The following LYPD6B variants were observed in gnomAD, a reference collection of about 807,000 sequenced individuals.
The protein encoded by LYPD6B is ly6/PLAUR domain-containing protein 6B.
Under a neutral mutation model 22.8 loss-of-function variants are expected in LYPD6B, and 17 were observed. The ratio of observed to expected loss-of-function variants is 0.75; its 90% confidence interval spans 0.51 to 1.12. LYPD6B has a LOEUF of 1.12. LYPD6B is among the 50% of genes most tolerant of loss of function. The probability of loss-of-function intolerance (pLI) is 0.00; values close to 1 mark genes in which losing one functional copy is unlikely to be tolerated. For synonymous variants in LYPD6B, 106 were observed against 91.6 expected (o/e 1.16, Z -0.90); for missense variants, 221 against 258.3 (o/e 0.86, Z 0.99).
intron 1 of LYPD6B, chr2:149,068,797 G>A (rs1374750080): frequency 6.4e-6 from 3 of 469,084 alleles, no homozygotes; most frequent in East Asian, 6.0e-5. Flanking sequence ...ACAAAGGCTC[G>A]ATCATTTTGC....
chr2:149,143,336 T>TTG (rs1174771169), intron 2 of LYPD6B, among the ~76,000 whole-genome samples: 2 of 150,528 alleles, frequency 1.3e-5, no homozygotes, highest in African/African-American at 4.9e-5. Flanking sequence ...GGTTCCAACT[T>TTG]TTTTTTTTTA....
chr2:149,173,521 G>T (rs563449720), intron 3 of LYPD6B, among the ~76,000 whole-genome samples: 1 of 152,048 alleles, frequency 6.6e-6, no homozygotes, highest in African/African-American at 2.4e-5. Context: ...ACAGAGTTCC[G>T]CAGGATACTA....
chr2:149,095,867 GCAGA>G (rs951578605), intron 1 of LYPD6B, among the ~76,000 whole-genome samples: 24 of 151,836 alleles, frequency 1.6e-4, no homozygotes, highest in African/African-American at 5.8e-4. Context: ...GAGACCATAG[GCAGA>G]CAGACAGAGA....
rs1386394607 is a variant in LYPD6B at position 149,038,738 on chromosome 2, G to T, written c.-130G>T. On this transcript the variant is annotated 5_prime_UTR_variant, in exon 1 of 7. Transcript: ENST00000409642. ...GCCAACGCCGGCCCCAGGCGGGTGC[G>T]CTGGGAGCCTGGGCCGGGAGCCGGG... 6.6e-6 allele frequency: 1 copy of T among 151,500 alleles called. No homozygotes were observed. The highest frequency in any genetic ancestry group is 2.4e-5 in the African/African-American group (1 of 41,356). The allele number at this position is 151,500 out of a possible 1,614,324, so 9.4% of individuals were successfully genotyped here.
At chr2:149,095,603 A>C (rs759881393) in intron 1 of LYPD6B, among the ~76,000 whole-genome samples, 10 of 152,186 alleles carry the variant, frequency 6.6e-5, no homozygotes, top group Non-Finnish European at 1.5e-4. Context: ...TTGGGGCTGG[A>C]GACAGGGAGT....
intron 2 of LYPD6B, among the ~76,000 whole-genome samples, chr2:149,140,329 A>G (rs1688613485): frequency 6.6e-6 from 1 of 152,126 alleles, no homozygotes; most frequent in Non-Finnish European, 1.5e-5. Flanking sequence ...CCCTTAAAGA[A>G]CCAAAGTGTG....
chr2:149,067,566 T>C (rs1197192314), intron 1 of LYPD6B, among the ~76,000 whole-genome samples: 1 of 151,664 alleles, frequency 6.6e-6, no homozygotes, highest in East Asian at 1.9e-4. Context: ...AAACTTTGTT[T>C]TTTTTTTCTG....
At chr2:149,072,242 A>G (rs927897464) in intron 1 of LYPD6B, among the ~76,000 whole-genome samples, 15 of 152,204 alleles carry the variant, frequency 9.9e-5, no homozygotes, top group African/African-American at 3.6e-4. Context: ...GGTGAAGAGG[A>G]TAATAAACAA....
At chr2:149,040,926 G>A (rs540200866) in intron 1 of LYPD6B, among the ~76,000 whole-genome samples, 2 of 152,260 alleles carry the variant, frequency 1.3e-5, no homozygotes, top group East Asian at 3.9e-4. Flanking sequence ...TGCCAAGGGC[G>A]AAAATGCTTG....
chr2:149,083,918 A>T (rs115992265), intron 1 of LYPD6B, among the ~76,000 whole-genome samples: 2,138 of 150,550 alleles, frequency 0.014, 43 homozygotes, highest in African/African-American at 0.05. Context: ...CTACTAAAAT[A>T]AAAAAACAAA....
At chr2:149,189,329 GATTTGTCCAAAATTATATATA>G (rs1692326537) in intron 3 of LYPD6B, among the ~76,000 whole-genome samples, 1 of 58,080 alleles carries the variant, frequency 1.7e-5, no homozygotes, top group Admixed American at 1.9e-4. Context: ...CAATTTTTTT[GATTTGTCCAAAATTATATATA>G]TATATATATA....
At chr2:149,176,805 T>C (rs1691341599) in intron 3 of LYPD6B, among the ~76,000 whole-genome samples, 1 of 152,166 alleles carries the variant, frequency 6.6e-6, no homozygotes, top group Non-Finnish European at 1.5e-5. Flanking sequence ...AGGCAGTGGA[T>C]TTGGTTCTAA....
chr2:149,086,431 T>C (rs575077651), intron 1 of LYPD6B, among the ~76,000 whole-genome samples: 1 of 152,308 alleles, frequency 6.6e-6, no homozygotes, highest in South Asian at 2.1e-4. Context: ...CTGCAGGAAG[T>C]TGAGCAGCCG....
intron 1 of LYPD6B, among the ~76,000 whole-genome samples, chr2:149,067,099 T>A (rs1259323532): frequency 2.6e-5 from 4 of 152,208 alleles, no homozygotes. Context: ...CTTAGGACAA[T>A]GGCTTCTAGC....
chr2:149,145,390 A>G (rs1234637894), intron 2 of LYPD6B, among the ~76,000 whole-genome samples: 4 of 152,228 alleles, frequency 2.6e-5, no homozygotes, highest in African/African-American at 7.2e-5. Flanking sequence ...TGAGAAAAAG[A>G]TTAAGATACT....
chr2:149,154,119 TCCCCCCA>T, intron 2 of LYPD6B: 1 of 641,526 alleles, frequency 1.6e-6, no homozygotes, highest in Non-Finnish European at 1.9e-6. Context: ...ATTTCCCCCA[TCCCCCCA>T]CCCCCCAAAA....
At chr2:149,057,761 G>C (rs1387673179) in intron 1 of LYPD6B, among the ~76,000 whole-genome samples, 1 of 152,200 alleles carries the variant, frequency 6.6e-6, no homozygotes, top group Non-Finnish European at 1.5e-5. Flanking sequence ...AAGAGGAAAG[G>C]GGGTGGAAAG....
At chr2:149,056,996 G>A (rs1311821326) in intron 1 of LYPD6B, among the ~76,000 whole-genome samples, 1 of 152,128 alleles carries the variant, frequency 6.6e-6, no homozygotes, top group East Asian at 1.9e-4. Flanking sequence ...CAATTCAGAG[G>A]ATTAACTAGG....
intron 3 of LYPD6B, among the ~76,000 whole-genome samples, chr2:149,179,744 C>T (rs1279846920): frequency 2.0e-5 from 3 of 152,232 alleles, no homozygotes; most frequent in East Asian, 1.9e-4. Context: ...GGTGACGTGC[C>T]GCCCTGCCAG....
Sources: gnomAD v4.1 joint callset for allele counts (sites outside exome capture counted in the v4.1 genomes callset) on GRCh38, gnomAD v4.1.1 for gene constraint, MANE v1.5 for transcripts, NCBI Gene and HGNC (gene_info 2026-07-23, HGNC 2026-07-21) for gene names.